STMN2: variants seen among roughly 807,000 people sequenced by gnomAD.
STMN2 encodes stathmin 2.
In STMN2, 2 loss-of-function variants were observed where a neutral mutation model predicts 24.1. That is an observed-to-expected ratio of 0.08 (90% CI 0.03 to 0.26). The LOEUF (loss-of-function observed/expected upper bound fraction) is 0.26, where lower values mean the gene tolerates loss of function less well. Among genes scored for constraint, STMN2 ranks in the 10% least tolerant of loss-of-function variants. STMN2 has a pLI of 1.00. For missense variants in STMN2, 114 were observed against 213.6 expected (o/e 0.53, Z 2.91); for synonymous variants, 83 against 77.5 (o/e 1.07, Z -0.37).
intron 1 of STMN2, among the ~76,000 whole-genome samples, chr8:79,621,665 A>G (rs1371670684): frequency 6.6e-6 from 1 of 152,200 alleles, no homozygotes; most frequent in Non-Finnish European, 1.5e-5. Flanking sequence ...CTTTAAGGGA[A>G]GGATGGTAAG....
intron 2 of STMN2, among the ~76,000 whole-genome samples, chr8:79,638,359 AT>A (rs1474957897): frequency 7.9e-5 from 12 of 152,216 alleles, no homozygotes; most frequent in African/African-American, 1.2e-4. Flanking sequence ...GATTCTTGAA[AT>A]AAGCTGTTTT....
intron 4 of STMN2, among the ~76,000 whole-genome samples, chr8:79,656,869 C>G (rs1365273500): frequency 6.7e-6 from 1 of 149,322 alleles, no homozygotes; most frequent in African/African-American, 2.4e-5. Context: ...GCATAGCCTC[C>G]TTTTTTGTTT....
chr8:79,655,648 C>G (rs1376919617), intron 4 of STMN2, among the ~76,000 whole-genome samples: 2 of 152,082 alleles, frequency 1.3e-5, no homozygotes, highest in Non-Finnish European at 2.9e-5. Context: ...TCTTCAACAA[C>G]CTAAACATAT....
At chr8:79,637,509 G>A (rs1220614786) in intron 2 of STMN2, among the ~76,000 whole-genome samples, 1 of 152,122 alleles carries the variant, frequency 6.6e-6, no homozygotes, top group Admixed American at 6.6e-5. Context: ...TGCTTACTTT[G>A]GCTCTGCCAC....
chr8:79,615,746 C>G (rs917626734), intron 1 of STMN2, among the ~76,000 whole-genome samples: 1 of 152,156 alleles, frequency 6.6e-6, no homozygotes, highest in African/African-American at 2.4e-5. Context: ...ATGCTTTACC[C>G]TAGTGGATGA....
intron 1 of STMN2, among the ~76,000 whole-genome samples, chr8:79,624,385 G>C (rs573615325): frequency 1.7e-4 from 25 of 150,288 alleles, no homozygotes; most frequent in Non-Finnish European, 3.1e-4. Context: ...ATCCGGGAGG[G>C]GGAGTTTGCA....
intron 2 of STMN2, among the ~76,000 whole-genome samples, chr8:79,640,219 T>G (rs1361406451): frequency 6.6e-6 from 1 of 152,146 alleles, no homozygotes; most frequent in Non-Finnish European, 1.5e-5. Context: ...CTCTTGCATT[T>G]GTTCTTCCTG....
chr8:79,616,208 C>A (rs918243520), intron 1 of STMN2, among the ~76,000 whole-genome samples: 5 of 152,044 alleles, frequency 3.3e-5, no homozygotes, highest in Admixed American at 1.3e-4. Context: ...TTAAAGATAC[C>A]TTTTTAAATC....
intron 2 of STMN2, among the ~76,000 whole-genome samples, chr8:79,639,590 G>A (rs1201018082): frequency 1.3e-5 from 2 of 152,154 alleles, no homozygotes; most frequent in Non-Finnish European, 2.9e-5. Flanking sequence ...ACTATTTTAT[G>A]TTATAATTTG....
intron 1 of STMN2, among the ~76,000 whole-genome samples, chr8:79,612,427 C>G (rs922777724): frequency 1.3e-5 from 2 of 152,156 alleles, no homozygotes; most frequent in Non-Finnish European, 2.9e-5. Flanking sequence ...ATAGAGATGA[C>G]ATGAAATCGT....
At chr8:79,612,782 A>C (rs1809271897) in intron 1 of STMN2, among the ~76,000 whole-genome samples, 1 of 151,974 alleles carries the variant, frequency 6.6e-6, no homozygotes, top group African/African-American at 2.4e-5. Context: ...GCCCTGCCCT[A>C]CCCTCCCCGC....
At chr8:79,613,232 C>T (rs1402692139) in intron 1 of STMN2, among the ~76,000 whole-genome samples, 1 of 152,038 alleles carries the variant, frequency 6.6e-6, no homozygotes, top group African/African-American at 2.4e-5. Flanking sequence ...GGGAGACCCT[C>T]GCTCCTCCAG....
At chr8:79,635,544 G>T (rs576190327) in intron 1 of STMN2, among the ~76,000 whole-genome samples, 199 of 152,276 alleles carry the variant, frequency 1.3e-3, no homozygotes, top group Non-Finnish European at 2.6e-3. Flanking sequence ...AGAAAATGGG[G>T]TAAATATAAA....
intron 1 of STMN2, among the ~76,000 whole-genome samples, chr8:79,626,936 A>G (rs1482616102): frequency 6.6e-6 from 1 of 152,126 alleles, no homozygotes; most frequent in Admixed American, 6.6e-5. Context: ...AAAGAAAGAA[A>G]AGAAACTCCA....
At chr8:79,631,505 C>G in intron 1 of STMN2, 1 of 889,868 alleles carries the variant, frequency 1.1e-6, no homozygotes, top group South Asian at 5.2e-5. Context: ...TAGAATATTA[C>G]CTCATGTCAG....
At chr8:79,619,068 AT>A (rs879679608) in intron 1 of STMN2, among the ~76,000 whole-genome samples, 3,302 of 145,500 alleles carry the variant, frequency 0.023, 107 homozygotes, top group African/African-American at 0.072. Context: ...GGACTGAATG[AT>A]TTTTTTTTTT....
chr8:79,635,686 A>G (rs999015887), intron 1 of STMN2, among the ~76,000 whole-genome samples: 2 of 152,196 alleles, frequency 1.3e-5, no homozygotes, highest in African/African-American at 4.8e-5. Context: ...GTTCTCACTT[A>G]TAAGTGGGAG....
At chr8:79,636,734 A>C in intron 1 of STMN2, 68 bp from the exon 2 acceptor site, 1 of 1,417,254 alleles carries the variant, frequency 7.1e-7, no homozygotes, top group South Asian at 1.2e-5. Context: ...TATTATTCAA[A>C]TTAAAGGAAG....
chr8:79,656,112 TCTGA>T (rs1304322819), intron 4 of STMN2, among the ~76,000 whole-genome samples: 2 of 152,204 alleles, frequency 1.3e-5, no homozygotes, highest in Non-Finnish European at 2.9e-5. Flanking sequence ...ATTCTCAGTC[TCTGA>T]CTGCAAATAT....
Sources: gnomAD v4.1 joint callset for allele counts (sites outside exome capture counted in the v4.1 genomes callset) on GRCh38, gnomAD v4.1.1 for gene constraint, MANE v1.5 for transcripts, NCBI Gene and HGNC (gene_info 2026-07-23, HGNC 2026-07-21) for gene names.